CTNNA2: variants seen among roughly 807,000 people sequenced by gnomAD.
CTNNA2 encodes the protein catenin alpha-2.
Under a neutral mutation model 101.0 loss-of-function variants are expected in CTNNA2, and 42 were observed. The observed-to-expected ratio is 0.42, with a 90% CI of 0.32 to 0.54. The LOEUF is 0.54. CTNNA2 is among the 20% of genes least tolerant of loss of function. The probability of loss-of-function intolerance (pLI) is 0.14; values close to 1 mark genes in which losing one functional copy is unlikely to be tolerated. For synonymous variants in CTNNA2, 450 were observed against 456.4 expected, an observed-to-expected ratio of 0.99 and a Z score of 0.18; for missense variants, 871 against 1,223.1, an observed-to-expected ratio of 0.71 and a Z score of 4.29.
At chr2:79,287,826 G>A (rs1265673209) in intron 2 of CTNNA2, among the ~76,000 whole-genome samples, 1 of 152,216 alleles carries the variant, frequency 6.6e-6, no homozygotes, top group African/African-American at 2.4e-5. Context: ...CCTGGGCAAT[G>A]GCGGGCGCCC....
intron 6 of CTNNA2, among the ~76,000 whole-genome samples, chr2:79,905,806 G>A (rs1287999335): frequency 6.6e-6 from 1 of 152,106 alleles, no homozygotes; most frequent in Non-Finnish European, 1.5e-5. Context: ...GCTTACCTGG[G>A]TGTTTCTTAG....
At chr2:79,252,872 C>A (rs544215914) in intron 2 of CTNNA2, among the ~76,000 whole-genome samples, 1 of 152,038 alleles carries the variant, frequency 6.6e-6, no homozygotes, top group African/African-American at 2.4e-5. Context: ...AAATCCACTT[C>A]ACTGTGATGG....
rs1422308715 is a variant in CTNNA2, at chr2:80,188,935, A to T, written c.1057-204276A>T. On this transcript the variant is annotated intron_variant, in intron 7 of 18. Transcript: ENST00000402739. Reference sequence around the variant, plus strand: ...CTTTCCAACCTACTGTGTCCTGTGCAGGTGGTCACTTTTTTTTTTTTTTTT... The same window carrying T: ...CTTTCCAACCTACTGTGTCCTGTGCTGGTGGTCACTTTTTTTTTTTTTTTT... Among the ~76,000 whole-genome samples the T allele has an allele frequency of 2.1e-5, 3 of 145,276 alleles. No homozygotes were observed. In the Admixed American group the frequency reaches 2.1e-4, roughly 10 times the overall value.
chr2:79,339,275 T>C (rs577154561), intron 3 of CTNNA2, among the ~76,000 whole-genome samples: 5 of 152,232 alleles, frequency 3.3e-5, no homozygotes, highest in African/African-American at 9.6e-5. Flanking sequence ...GAGAAGAGCA[T>C]TTCAAGGGGA....
At chr2:80,075,563 A>G (rs780714393) in intron 7 of CTNNA2, among the ~76,000 whole-genome samples, 1 of 143,184 alleles carries the variant, frequency 7.0e-6, no homozygotes, top group Non-Finnish European at 1.5e-5. Flanking sequence ...ACATGTATAA[A>G]TATTATAAAA....
At chr2:80,162,589 T>C in intron 7 of CTNNA2, 2 of 1,610,564 alleles carry the variant, frequency 1.2e-6, no homozygotes, top group Non-Finnish European at 1.7e-6. Flanking sequence ...CCATGATCAG[T>C]GTAACGCTGT....
intron 4 of CTNNA2, among the ~76,000 whole-genome samples, chr2:79,428,090 G>T (rs1462733157): frequency 1.3e-5 from 2 of 151,784 alleles, no homozygotes; most frequent in Non-Finnish European, 2.9e-5. Flanking sequence ...AATATATAAG[G>T]TTTCCTTAAG....
At chr2:79,318,370 A>G (rs1470793203) in intron 3 of CTNNA2, among the ~76,000 whole-genome samples, 1 of 152,164 alleles carries the variant, frequency 6.6e-6, no homozygotes, top group African/African-American at 2.4e-5. Flanking sequence ...AAAGAAGAAA[A>G]AAATACATTT....
intron 1 of CTNNA2, among the ~76,000 whole-genome samples, chr2:79,572,506 C>A (rs1033589268): frequency 2.6e-5 from 4 of 152,142 alleles, no homozygotes; most frequent in African/African-American, 7.2e-5. Flanking sequence ...TCCCAACACT[C>A]TCTGGGAGGC....
In CTNNA2 at chr2:79,258,331, G is replaced by A. The variant is rs141863590; in HGVS notation, c.-405-54378G>A. Among the ~76,000 whole-genome samples the A allele has an allele frequency of 1.3e-4, 20 of 152,228 alleles. 1 individual carries two copies. The highest frequency in any genetic ancestry group is 9.8e-4 in the Admixed American group (15 of 15,292). The stretch of plus-strand genomic sequence containing the variant: ...TGGTTTGGTCATTTTGTATCCATGC[G>A]ACCTTGGGCAGTTCCCCTCAAGTTA... On this transcript the variant is annotated intron_variant, in intron 2 of 21. Transcript: ENST00000466387.
chr2:80,488,135 T>C (rs1686744539), intron 9 of CTNNA2, among the ~76,000 whole-genome samples: 1 of 152,194 alleles, frequency 6.6e-6, no homozygotes, highest in Non-Finnish European at 1.5e-5. Flanking sequence ...GATCCTCTTT[T>C]GATGAGTGAA....
chr2:80,257,885 A>G (rs1273588712), intron 7 of CTNNA2, among the ~76,000 whole-genome samples: 1 of 152,154 alleles, frequency 6.6e-6, no homozygotes, highest in South Asian at 2.1e-4. Flanking sequence ...TTGCTTTCTG[A>G]ATTTTATTTG....
intron 4 of CTNNA2, among the ~76,000 whole-genome samples, chr2:79,400,220 C>T (rs1283865625): frequency 1.3e-5 from 2 of 151,924 alleles, no homozygotes; most frequent in Admixed American, 6.6e-5. Flanking sequence ...TCTCAGTGAG[C>T]AGAGGGGTGA....
chr2:80,142,865 G>C (rs186711165), intron 7 of CTNNA2, among the ~76,000 whole-genome samples: 3 of 151,224 alleles, frequency 2.0e-5, no homozygotes, highest in Non-Finnish European at 4.4e-5. Context: ...GAGTAACAAA[G>C]GGCCATTGGA....
intron 3 of CTNNA2, among the ~76,000 whole-genome samples, chr2:79,313,422 G>A (rs539108637): frequency 6.6e-6 from 1 of 152,268 alleles, no homozygotes; most frequent in South Asian, 2.1e-4. Flanking sequence ...TAGTTTGCAT[G>A]TATTATCTCA....
Position 79,325,953 on chromosome 2 carries a change from G to A in CTNNA2, c.-318+13157G>A, listed in dbSNP as rs75794967. ...TTTAGAGAGACCAGTACCTAACTTT[G>A]TATAAGAGTCAATTCAAGAGGGTTT... On this transcript the variant is annotated intron_variant, in intron 3 of 21. Transcript: ENST00000466387. 9.0e-3 allele frequency among the ~76,000 whole-genome samples: 1,366 copies of A among 152,256 alleles called. 17 individuals are homozygous for A. The highest frequency in any genetic ancestry group is 0.032 in the African/African-American group (1,312 of 41,548).
chr2:79,286,730 G>T (rs1337496327), intron 2 of CTNNA2, among the ~76,000 whole-genome samples: 2 of 151,930 alleles, frequency 1.3e-5, no homozygotes, highest in South Asian at 2.1e-4. Context: ...ACAATTATGT[G>T]TCTTGGAGTT....
chr2:80,041,508 C>T (rs1477107485), intron 7 of CTNNA2, among the ~76,000 whole-genome samples: 8 of 152,130 alleles, frequency 5.3e-5, no homozygotes, highest in African/African-American at 1.9e-4. Context: ...AATGCAGCTG[C>T]TTGTATATAA....
chr2:79,254,465 C>T (rs1558588250), intron 2 of CTNNA2, among the ~76,000 whole-genome samples: 1 of 152,194 alleles, frequency 6.6e-6, no homozygotes, highest in East Asian at 1.9e-4. Context: ...CCTCTACACT[C>T]TCTTTCTTCC....
Sources: allele counts gnomAD v4.1 joint callset (sites outside exome capture counted in the v4.1 genomes callset), GRCh38; gene constraint gnomAD v4.1.1; transcripts MANE v1.5; gene names NCBI Gene and HGNC (gene_info 2026-07-23, HGNC 2026-07-21).